The following MPP7 variants were observed in gnomAD, a reference collection of about 807,000 sequenced individuals.
MPP7 encodes the protein MAGUK p55 scaffold protein 7.
MPP7 carries 60 observed loss-of-function variants against 76.5 expected under a neutral mutation model. The observed-to-expected ratio is 0.78, with a 90% CI of 0.64 to 0.97. MPP7 has a LOEUF of 0.97. Ranked by LOEUF, MPP7 falls within the 50% of genes least tolerant of loss-of-function variation. The probability of loss-of-function intolerance (pLI) is 0.00; values close to 1 mark genes in which losing one functional copy is unlikely to be tolerated. For synonymous variants in MPP7, 237 were observed against 244.5 expected (o/e 0.97, Z 0.29); for missense variants, 641 against 694.0 (o/e 0.92, Z 0.86).
At chr10:28,215,184 A>T (rs1368107648) in intron 2 of MPP7, among the ~76,000 whole-genome samples, 1 of 152,148 alleles carries the variant, frequency 6.6e-6, no homozygotes, top group East Asian at 1.9e-4. Flanking sequence ...CCCAGTGCTC[A>T]GGAGATTGAT....
At chr10:28,273,120 G>A (rs1840380511) in intron 1 of MPP7, among the ~76,000 whole-genome samples, 1 of 152,138 alleles carries the variant, frequency 6.6e-6, no homozygotes, top group Admixed American at 6.5e-5. Context: ...GTTTCACCAT[G>A]TTGGCCAGGC....
rs192655322 is a variant in MPP7 at position 28,278,741 on chromosome 10, G to A, written c.-132+24120C>T. 4.6e-5 allele frequency among the ~76,000 whole-genome samples: 7 copies of A among 150,596 alleles called. No individual in the cohort carries two copies. The East Asian group carries it at 1.4e-3, about 29-fold the overall frequency. On this transcript the variant is annotated intron_variant, in intron 1 of 16. Coordinates refer to ENST00000683449, the MANE Select transcript of MPP7 (RefSeq NM_001318170.2). ...ACAAATTCATATTAACTACTTCTGA[G>A]AAGAGAGGGAAATAAAACTGGAAAG...
intron 3 of MPP7, among the ~76,000 whole-genome samples, chr10:28,153,895 G>A (rs1274990309): frequency 6.6e-6 from 1 of 152,066 alleles, no homozygotes; most frequent in Non-Finnish European, 1.5e-5. Context: ...CTGCCCAGTA[G>A]TTTGACTCTT....
chr10:28,084,310 A>G (rs1034347307), intron 12 of MPP7, among the ~76,000 whole-genome samples: 1 of 152,268 alleles, frequency 6.6e-6, no homozygotes, highest in African/African-American at 2.4e-5. Context: ...GGCAATGGCA[A>G]CTGAACCCAT....
intron 2 of MPP7, among the ~76,000 whole-genome samples, chr10:28,321,952 T>C (rs992859366): frequency 1.8e-5 from 1 of 55,710 alleles, no homozygotes; most frequent in East Asian, 8.4e-4. Context: ...TGTAGACGTG[T>C]GTGTGTGTGT....
Position 28,069,792 on chromosome 10 carries a change from T to A in MPP7, c.1184A>T (p.His395Leu), listed in dbSNP as rs1200363660. The change falls in exon 13 of 17, where the codon CAC becomes CTC. Residue 395 changes from histidine (H) to leucine (L), a missense_variant. Transcript: ENST00000683449. ...KRKLLISDTQ[H>L]YGVTVPHTTR... is the part of the protein sequence containing the mutation. ...CTCACGGGGCACTGTCACGCCATAG[T>A]GCTGGGTGTCACTGATCAGCAGCTT... is the stretch of plus-strand genomic sequence containing the variant. The A allele has an allele frequency of 6.2e-7, 1 of 1,614,062 alleles. No individual in the cohort carries two copies. Among genetic ancestry groups the A allele is most frequent in the Admixed American group, 1.7e-5 (1 of 60,014 alleles).
intron 5 of MPP7, among the ~76,000 whole-genome samples, chr10:28,135,444 G>A (rs1259433868): frequency 1.3e-5 from 2 of 151,874 alleles, no homozygotes; most frequent in African/African-American, 4.9e-5. Context: ...GACAATTTTT[G>A]ATTGTCTTAA....
At chr10:28,250,393 CT>C (rs1460080139) in intron 1 of MPP7, among the ~76,000 whole-genome samples, 2 of 152,270 alleles carry the variant, frequency 1.3e-5, no homozygotes, top group South Asian at 2.1e-4. Flanking sequence ...TATGCTAAAA[CT>C]TTTTTAGGGG....
At position 28,051,690 on chromosome 10, in the gene MPP7, T is replaced by C. The variant is rs1737215332; in HGVS notation, c.*2375A>G. ...GTCAATGAACTCTCGGAGTTGGCCC[T>C]GCCTTATTAAATTTTAATCAATTAT... On this transcript the variant is annotated 3_prime_UTR_variant, in exon 17 of 17. Transcript: ENST00000683449. 1 of 152,102 alleles carries C rather than the reference T, an allele frequency of 6.6e-6. No individual in the cohort carries two copies. The highest frequency in any genetic ancestry group is 1.5e-5 in the Non-Finnish European group (1 of 68,008). 9.4% of individuals were successfully genotyped at this position (152,102 alleles called of 1,614,324 possible). A position where few individuals can be genotyped will look rare whatever the true frequency, so the allele number is the denominator to read the frequency against.
chr10:28,071,435 C>G (rs954042794), intron 12 of MPP7, among the ~76,000 whole-genome samples: 19 of 152,152 alleles, frequency 1.2e-4, no homozygotes, highest in African/African-American at 4.6e-4. Flanking sequence ...TCACTACCAC[C>G]TTCAACCTTT....
At chr10:28,194,600 T>C (rs1837519854) in intron 3 of MPP7, among the ~76,000 whole-genome samples, 1 of 152,142 alleles carries the variant, frequency 6.6e-6, no homozygotes, top group African/African-American at 2.4e-5. Context: ...TAAATGCATA[T>C]TACTAGGTAA....
At chr10:28,309,603 T>G (rs1199978540) in intron 2 of MPP7, among the ~76,000 whole-genome samples, 1 of 152,164 alleles carries the variant, frequency 6.6e-6, no homozygotes, top group Non-Finnish European at 1.5e-5. Context: ...GACTGCAGGT[T>G]TGTCTCTGAT....
intron 14 of MPP7, 168 bp downstream of exon 14, chr10:28,059,482 G>A: frequency 5.7e-6 from 3 of 522,148 alleles, no homozygotes; most frequent in Non-Finnish European, 1.0e-5. Context: ...AATTAGAGGT[G>A]AAGATTAACA....
At chr10:28,143,061 GTTGA>G (rs1835576396) in intron 5 of MPP7, among the ~76,000 whole-genome samples, 1 of 151,928 alleles carries the variant, frequency 6.6e-6, no homozygotes, top group Non-Finnish European at 1.5e-5. Context: ...AGGTAATTTT[GTTGA>G]CACAAAGAGA....
At chr10:28,081,025 T>G (rs1356501360) in intron 12 of MPP7, among the ~76,000 whole-genome samples, 1 of 152,228 alleles carries the variant, frequency 6.6e-6, no homozygotes, top group Non-Finnish European at 1.5e-5. Context: ...AGTCTTATAA[T>G]AAATGCCTGT....
chr10:28,226,583 T>C (rs1838698991), intron 2 of MPP7, among the ~76,000 whole-genome samples: 1 of 152,150 alleles, frequency 6.6e-6, no homozygotes, highest in African/African-American at 2.4e-5. Flanking sequence ...AGTTTCTGTA[T>C]GGGGTGAAAA....
At chr10:28,185,254 ATT>A (rs1837198505) in intron 3 of MPP7, among the ~76,000 whole-genome samples, 1 of 150,408 alleles carries the variant, frequency 6.6e-6, no homozygotes. Flanking sequence ...ATAATTGTAT[ATT>A]GTTACATTAT....
Position 28,053,974 on chromosome 10 carries a change from G to T in MPP7, c.*91C>A. The T allele has an allele frequency of 1.1e-6, 1 of 928,040 alleles. No individual in the cohort carries two copies. The allele number at this position is 928,040 out of a possible 1,614,324, so 57.5% of individuals were successfully genotyped here. A position where few individuals can be genotyped will look rare whatever the true frequency, so the allele number is the denominator to read the frequency against. ...GAACCAAGATTGTACATCTATGACA[G>T]TGATATAGATTTAAAAACCCTACTA... is the stretch of plus-strand genomic sequence containing the variant. On this transcript the variant is annotated 3_prime_UTR_variant, in exon 17 of 17. Transcript: ENST00000683449.
Position 28,131,643 on chromosome 10 carries a change from C to A in MPP7, c.364G>T (p.Val122Leu). The change falls in exon 6 of 17, where the codon GTG becomes TTG. Residue 122 changes from valine (V) to leucine (L), a missense_variant. By Grantham distance (32) the Val-to-Leu change is conservative. Coordinates refer to ENST00000683449, the MANE Select transcript of MPP7 (RefSeq NM_001318170.2). ...ATATCTTCAGGCATAGGAGGCAACA[C>A]TGGGTCGTAATTCTTCTGAGCCACA... Reference protein sequence around the residue: ...DTVAQKNYDPVLPPMPEDIDD... With the variant: ...DTVAQKNYDPLLPPMPEDIDD... 2 of 1,605,342 alleles carry A rather than the reference C, an allele frequency of 1.2e-6. No homozygotes were observed. Among genetic ancestry groups the A allele is most frequent in the Non-Finnish European group, 1.7e-6 (2 of 1,174,672 alleles).
Sources: gnomAD v4.1 joint callset for allele counts (sites outside exome capture counted in the v4.1 genomes callset) on GRCh38, gnomAD v4.1.1 for gene constraint, MANE v1.5 for transcripts, NCBI Gene and HGNC (gene_info 2026-07-23, HGNC 2026-07-21) for gene names.